The following MYO18A variants were observed in gnomAD, a reference collection of about 807,000 sequenced individuals.
The protein encoded by MYO18A is myosin XVIIIA.
In MYO18A, 78 loss-of-function variants were observed where a neutral mutation model predicts 235.8. The ratio of observed to expected loss-of-function variants is 0.33; its 90% CI spans 0.28 to 0.40. The LOEUF is 0.40. MYO18A is among the 10% of genes least tolerant of loss of function. The pLI is 1.00. For missense variants in MYO18A, 2,215 were observed against 2,699.3 expected (o/e 0.82, Z 3.98); for synonymous variants, 977 against 1,077.8 (o/e 0.91, Z 1.83).
At chr17:29,136,902 G>A (rs1274937326) in intron 2 of MYO18A, 3 of 152,222 alleles carry the variant, frequency 2.0e-5, no homozygotes, top group East Asian at 1.9e-4. Context: ...GTTTTTGGAT[G>A]TGCAAAAAGG....
At chr17:29,089,647 G>C (rs500267) in intron 37 of MYO18A, among the ~76,000 whole-genome samples, 1 of 152,194 alleles carries the variant, frequency 6.6e-6, no homozygotes, top group African/African-American at 2.4e-5. Flanking sequence ...GACCCTGCCA[G>C]AGAACCGGTT....
intron 2 of MYO18A, among the ~76,000 whole-genome samples, chr17:29,163,806 ATTCT>A (rs2068223681): frequency 6.6e-6 from 1 of 152,242 alleles, no homozygotes; most frequent in Admixed American, 6.5e-5. Context: ...TGGGGGATTC[ATTCT>A]TTAAGAAGAA....
At position 29,113,296 on chromosome 17, in the gene MYO18A, G is replaced by A. The variant is rs139141732; in HGVS notation, c.2598+715C>T. Reference sequence around the variant, plus strand: ...AGAGGTAGGGATCAAAGCAGAGCAGGGAGGTCGGCAGCCTCGCAAAAATGC... The same window carrying A: ...AGAGGTAGGGATCAAAGCAGAGCAGAGAGGTCGGCAGCCTCGCAAAAATGC... On this transcript the variant is annotated intron_variant, in intron 15 of 41. Coordinates refer to ENST00000527372, the MANE Select transcript of MYO18A (RefSeq NM_078471.4). Among the ~76,000 whole-genome samples, 355 of 152,342 alleles carry A rather than the reference G, an allele frequency of 2.3e-3. 1 individual carries two copies. Among genetic ancestry groups the A allele is most frequent in the Non-Finnish European group, 4.3e-3 (295 of 68,034 alleles).
At chr17:29,130,474 C>CCTCA (rs1470883412) in intron 2 of MYO18A, among the ~76,000 whole-genome samples, 116 of 142,238 alleles carry the variant, frequency 8.2e-4, no homozygotes, top group African/African-American at 2.7e-3. Context: ...GAGGCCTCTC[C>CCTCA]CACACACACA....
intron 2 of MYO18A, among the ~76,000 whole-genome samples, chr17:29,146,772 T>C (rs950876881): frequency 6.6e-6 from 1 of 152,230 alleles, no homozygotes; most frequent in Non-Finnish European, 1.5e-5. Context: ...ACACTGTTAA[T>C]GTTTCCAGAT....
intron 40 of MYO18A, among the ~76,000 whole-genome samples, chr17:29,083,151 C>G (rs141173574): frequency 6.6e-6 from 1 of 152,216 alleles, no homozygotes; most frequent in Non-Finnish European, 1.5e-5. Context: ...TCCCTGGAGA[C>G]CCAGCTGGGC....
At chr17:29,087,834 G>T (rs1215913375) in intron 37 of MYO18A, among the ~76,000 whole-genome samples, 3 of 151,960 alleles carry the variant, frequency 2.0e-5, no homozygotes, top group Non-Finnish European at 4.4e-5. Flanking sequence ...CTCTCTGAGC[G>T]GAAGGGAACC....
chr17:29,131,471 C>A, intron 2 of MYO18A: 1 of 982,962 alleles, frequency 1.0e-6, no homozygotes, highest in Non-Finnish European at 1.2e-6. Flanking sequence ...AAGTCACTGG[C>A]AGGTCAAGGC....
chr17:29,114,130 G>C, intron 14 of MYO18A, 33 bp from the exon 15 acceptor site: 2 of 1,520,124 alleles, frequency 1.3e-6, no homozygotes, highest in Non-Finnish European at 1.8e-6. Context: ...AGTGAGCATG[G>C]GGGTCACATT....
At chr17:29,088,092 C>T (rs1232462350) in intron 37 of MYO18A, among the ~76,000 whole-genome samples, 3 of 135,894 alleles carry the variant, frequency 2.2e-5, no homozygotes, top group Admixed American at 8.4e-5. Flanking sequence ...GTGTCGCTGT[C>T]GCCCAGGCTG....
intron 2 of MYO18A, among the ~76,000 whole-genome samples, chr17:29,146,728 T>C (rs1243438584): frequency 1.3e-5 from 2 of 152,200 alleles, no homozygotes; most frequent in African/African-American, 4.8e-5. Context: ...GCCTAGAAGA[T>C]GGGGTGAGAG....
In MYO18A at chr17:29,125,871, C is replaced by T; in HGVS notation, c.1000-3618G>A. ...GAAGAGGGCGGCCAGGGACTGGGAC[C>T]CACACACAAGAGTGGCATTACAGAA... On this transcript the variant is annotated intron_variant, in intron 2 of 41. Transcript: ENST00000527372. The surrounding 1 kb of genome is among the most constrained non-coding windows in gnomAD (Gnocchi z 5.1). 1.0e-6 allele frequency: 1 copy of T among 984,386 alleles called. No individual in the cohort carries two copies. The highest frequency in any genetic ancestry group is 1.2e-6 in the Non-Finnish European group (1 of 828,526). 61.0% of individuals were successfully genotyped at this position (984,386 alleles called of 1,614,324 possible). A position where few individuals can be genotyped will look rare whatever the true frequency, so the allele number is the denominator to read the frequency against.
Position 29,166,679 on chromosome 17 carries a change from C to T in MYO18A, c.262G>A (p.Gly88Ser), listed in dbSNP as rs776333175. Residue 88 changes from glycine (G) to serine (S), a missense_variant, in exon 2 of 42, where the codon GGC becomes AGC. Transcript: ENST00000527372. ...TGGCCCGAGTCCAGGATGACGCTGC[C>T]CCGGTTACTATCGGAGTCAATGTCA... ...LTDIDSDSNRGSVILDSGHLS... is the reference protein window; with the variant it reads ...LTDIDSDSNRSSVILDSGHLS... The T allele has an allele frequency of 1.2e-6, 2 of 1,613,726 alleles. No homozygotes were observed. Among genetic ancestry groups the T allele is most frequent in the East Asian group, 2.2e-5 (1 of 44,858 alleles).
At position 29,177,035 on chromosome 17, in the gene MYO18A, G is replaced by A. The variant is rs530818287; in HGVS notation, c.-82+3278C>T. ...TGCTCTTCCAGGTGCACCGCCTGGC[G>A]CTCAGTTCCGCTAACATCCCCTTCC... On this transcript the variant is annotated intron_variant, in intron 1 of 41. Coordinates refer to ENST00000527372, the MANE Select transcript of MYO18A (RefSeq NM_078471.4). Among the ~76,000 whole-genome samples the A allele has an allele frequency of 2.0e-5, 3 of 152,312 alleles. No individual in the cohort carries two copies. The South Asian group carries it at 6.2e-4, about 32-fold the overall frequency.
Position 29,083,685 on chromosome 17 carries a change from C to T in MYO18A, c.5898-1247G>A, listed in dbSNP as rs370591490. On this transcript the variant is annotated intron_variant, in intron 40 of 41. Coordinates refer to ENST00000527372, the MANE Select transcript of MYO18A (RefSeq NM_078471.4). The stretch of plus-strand genomic sequence containing the variant: ...ACAAAGACGAGGCTGGCTGATGCCC[C>T]GGGTAAACAGGAGTTTAGCAGACAA... Among the ~76,000 whole-genome samples, 19 of 152,228 alleles carry T rather than the reference C, an allele frequency of 1.2e-4. No individual in the cohort carries two copies. The East Asian group carries it at 1.7e-3, about 14-fold the overall frequency.
intron 37 of MYO18A, among the ~76,000 whole-genome samples, chr17:29,088,742 AAAG>A (rs2066320978): frequency 1.3e-5 from 2 of 152,236 alleles, no homozygotes; most frequent in African/African-American, 4.8e-5. Flanking sequence ...TGGGAGACCG[AAAG>A]AAAAAGGATT....
chr17:29,095,128 A>T, intron 28 of MYO18A, 69 bp from the exon 29 acceptor site: 4 of 1,468,060 alleles, frequency 2.7e-6, no homozygotes, highest in Non-Finnish European at 9.0e-7. Context: ...CACTGTCAGG[A>T]GGTGGTGCCA....
intron 20 of MYO18A, among the ~76,000 whole-genome samples, chr17:29,104,792 G>A (rs970075098): frequency 6.6e-6 from 1 of 152,098 alleles, no homozygotes; most frequent in African/African-American, 2.4e-5. Flanking sequence ...AGTCAAGGGG[G>A]AAACCAGGAG....
At chr17:29,138,499 G>C (rs1292107183) in intron 2 of MYO18A, among the ~76,000 whole-genome samples, 1 of 152,188 alleles carries the variant, frequency 6.6e-6, no homozygotes, top group Non-Finnish European at 1.5e-5. Context: ...TAGGGATTGA[G>C]GGCGAGGAAG....
Sources: allele counts gnomAD v4.1 joint callset (sites outside exome capture counted in the v4.1 genomes callset), GRCh38; gene constraint gnomAD v4.1.1; non-coding constraint Gnocchi (gnomAD v3.1); transcripts MANE v1.5; gene names NCBI Gene and HGNC (gene_info 2026-07-23, HGNC 2026-07-21).